Variants in ANKRD17 observed in about 807,000 individuals in gnomAD.
ANKRD17 encodes ankyrin repeat domain-containing protein 17.
A neutral mutation model predicts 229.7 loss-of-function variants in ANKRD17; 19 were observed. The observed-to-expected ratio is 0.08, with a 90% confidence interval of 0.06 to 0.12. ANKRD17 has a LOEUF of 0.12. Among genes scored for constraint, ANKRD17 ranks in the 10% least tolerant of loss-of-function variants. The pLI is 1.00. For missense variants in ANKRD17, 2,176 were observed against 3,176.8 expected (o/e 0.68, Z 7.57); for synonymous variants, 1,112 against 1,146.1 (o/e 0.97, Z 0.60).
chr4:73,233,149 T>C (rs537576073), intron 1 of ANKRD17, among the ~76,000 whole-genome samples: 1 of 152,304 alleles, frequency 6.6e-6, no homozygotes, highest in South Asian at 2.1e-4. Flanking sequence ...GCAAAATACA[T>C]GTTACATCAT....
intron 15 of ANKRD17, 152 bp downstream of exon 15, chr4:73,139,379 G>C (rs772464773): frequency 1.2e-6 from 1 of 862,040 alleles, no homozygotes; most frequent in Non-Finnish European, 1.7e-6. Flanking sequence ...ATCCATCTGA[G>C]AACTTCTGAG....
Position 73,202,318 on chromosome 4 carries a change from TAAAA to T in ANKRD17, c.394-24789_394-24786del, listed in dbSNP as rs10533861. 5.9e-4 allele frequency among the ~76,000 whole-genome samples: 13 copies of T among 21,932 alleles called. No homozygotes were observed. In the South Asian group the frequency reaches 0.021, roughly 36 times the overall value. 14.4% of individuals were successfully genotyped at this position (21,932 alleles called of 152,430 possible). Reference sequence around the variant, plus strand: ...ACCAAACCCAAGGCAGGAACAGGATTAAAAAAAAAAAAAAAAAAAAAAAAAAAAA... The same window carrying T: ...ACCAAACCCAAGGCAGGAACAGGATTAAAAAAAAAAAAAAAAAAAAAAAAA... On this transcript the variant is annotated intron_variant, in intron 1 of 33. Transcript: ENST00000358602.
intron 2 of ANKRD17, among the ~76,000 whole-genome samples, chr4:73,173,409 A>C (rs2148974303): frequency 6.6e-6 from 1 of 152,322 alleles, no homozygotes; most frequent in Non-Finnish European, 1.5e-5. Context: ...ATCAACAAAG[A>C]AACATTGGAC....
chr4:73,177,465 G>C lies in ANKRD17; in HGVS notation c.462C>G (p.Leu154=), dbSNP rs757472156. The change falls in exon 2 of 34, where the codon CTC becomes CTG. Residue 154 remains leucine, a synonymous_variant. Coordinates refer to ENST00000358602, the MANE Select transcript of ANKRD17 (RefSeq NM_032217.5). ...CTGCACCATCAGCAGTACCTGATAA[G>C]AGCAACTTGGAAGCTGTTTCCAGCA... The part of the protein sequence containing the change: ...NPMLETASKL[L]LSGTADGADL... 1 of 1,613,758 alleles carries C rather than the reference G, an allele frequency of 6.2e-7. No individual in the cohort carries two copies. Among genetic ancestry groups the C allele is most frequent in the Non-Finnish European group, 8.5e-7 (1 of 1,179,804 alleles).
chr4:73,134,503 T>C (rs1414166938), intron 16 of ANKRD17, among the ~76,000 whole-genome samples: 3 of 152,134 alleles, frequency 2.0e-5, no homozygotes, highest in East Asian at 3.8e-4. Context: ...GCCCTGAGAT[T>C]TCATGGTCAA....
chr4:73,145,723 C>T (rs529728424), intron 10 of ANKRD17, among the ~76,000 whole-genome samples: 14 of 152,144 alleles, frequency 9.2e-5, no homozygotes, highest in African/African-American at 7.2e-5. Flanking sequence ...CTAACAAGCT[C>T]GAAGCACTTA....
At chr4:73,116,248 T>C (rs549235151) in intron 22 of ANKRD17, among the ~76,000 whole-genome samples, 196 of 152,254 alleles carry the variant, frequency 1.3e-3, no homozygotes, top group African/African-American at 4.4e-3. Flanking sequence ...TTTTTTTCTT[T>C]GCTAACTCCC....
chr4:73,129,216 GGTT>G (rs1727864566), intron 16 of ANKRD17, among the ~76,000 whole-genome samples: 1 of 152,216 alleles, frequency 6.6e-6, no homozygotes, highest in African/African-American at 2.4e-5. Flanking sequence ...CATTAATAGA[GGTT>G]GTTATGATGA....
chr4:73,142,002 TACC>T (rs1288482522), intron 13 of ANKRD17, among the ~76,000 whole-genome samples, 159 bp from the exon 14 acceptor site: 2 of 152,220 alleles, frequency 1.3e-5, no homozygotes, highest in African/African-American at 4.8e-5. Context: ...CCAAATTGTT[TACC>T]ACGACATTTT....
At chr4:73,129,804 G>A (rs183971973) in intron 16 of ANKRD17, among the ~76,000 whole-genome samples, 21 of 142,996 alleles carry the variant, frequency 1.5e-4, no homozygotes, top group Admixed American at 8.9e-4. Context: ...TTGCTCTGTC[G>A]CCAAGGCTAG....
chr4:73,168,960 C>T (rs184967972), intron 2 of ANKRD17: 2 of 152,280 alleles, frequency 1.3e-5, no homozygotes, highest in East Asian at 3.9e-4. Context: ...GCCCTGGTGC[C>T]TATTGTTCCC....
chr4:73,143,054 T>G (rs745498426), intron 11 of ANKRD17, among the ~76,000 whole-genome samples: 4 of 152,230 alleles, frequency 2.6e-5, no homozygotes, highest in Non-Finnish European at 5.9e-5. Flanking sequence ...AAGTACCCAT[T>G]ACTCCTAATG....
At chr4:73,197,748 T>C (rs1319943498) in intron 1 of ANKRD17, among the ~76,000 whole-genome samples, 1 of 151,166 alleles carries the variant, frequency 6.6e-6, no homozygotes, top group Non-Finnish European at 1.5e-5. Context: ...TGCCCAGGAG[T>C]TTGAGGCTGC....
chr4:73,119,355 T>C (rs912973097), intron 21 of ANKRD17, among the ~76,000 whole-genome samples: 127 of 152,324 alleles, frequency 8.3e-4, no homozygotes, highest in Non-Finnish European at 1.6e-3. Flanking sequence ...TGTAACCGTT[T>C]CAGATTATTT....
chr4:73,210,351 A>G (rs1212812131), intron 1 of ANKRD17, among the ~76,000 whole-genome samples: 1 of 152,196 alleles, frequency 6.6e-6, no homozygotes, highest in East Asian at 1.9e-4. Flanking sequence ...AAAAACCTAA[A>G]ACACCTAGGA....
chr4:73,244,870 TA>T (rs1744351425), intron 1 of ANKRD17, among the ~76,000 whole-genome samples: 2 of 152,294 alleles, frequency 1.3e-5, no homozygotes, highest in South Asian at 2.1e-4. Context: ...TTGCCTGCAA[TA>T]ATTGGAAGGG....
chr4:73,249,959 A>G (rs1744839239), intron 1 of ANKRD17, among the ~76,000 whole-genome samples: 1 of 152,336 alleles, frequency 6.6e-6, no homozygotes, highest in East Asian at 1.9e-4. Flanking sequence ...CCCTACCATC[A>G]TTTTTAAACT....
In ANKRD17 at chr4:73,155,681, A is replaced by G; in HGVS notation, c.950T>C (p.Val317Ala). 1 of 1,614,148 alleles carries G rather than the reference A, an allele frequency of 6.2e-7. No individual in the cohort carries two copies. Among genetic ancestry groups the G allele is most frequent in the Non-Finnish European group, 8.5e-7 (1 of 1,180,012 alleles). The change falls in exon 5 of 34, where the codon GTG (valine) becomes GCG (alanine). Residue 317 changes from valine to alanine, a missense_variant. By Grantham distance (64) the Val-to-Ala change is moderately conservative (BLOSUM62 0). This residue lies in a region of ANKRD17 where 184 missense variants were observed against 357.8 expected (regional missense o/e 0.51). Coordinates refer to ENST00000358602, the MANE Select transcript of ANKRD17 (RefSeq NM_032217.5). ...AAANGGHVKI[V>A]KLLLAHKADV... Reference sequence around the variant, plus strand: ...TGCTTTATGAGCTAGCAGCAACTTCACAATTTTGACATGTCCTCCATTAGC... The same window carrying G: ...TGCTTTATGAGCTAGCAGCAACTTCGCAATTTTGACATGTCCTCCATTAGC...
intron 1 of ANKRD17, among the ~76,000 whole-genome samples, chr4:73,246,763 G>A (rs894937564): frequency 6.6e-6 from 1 of 151,972 alleles, no homozygotes; most frequent in African/African-American, 2.4e-5. Context: ...AGGAGAAGGT[G>A]GTATTACATG....
Sources: gnomAD v4.1 joint callset for allele counts (sites outside exome capture counted in the v4.1 genomes callset) on GRCh38, gnomAD v4.1.1 for gene constraint, gnomAD v4.1.1 regional missense constraint, MANE v1.5 for transcripts, NCBI Gene and HGNC (gene_info 2026-07-23, HGNC 2026-07-21) for gene names.